Variants in PPARGC1A observed in about 807,000 individuals in gnomAD.
PPARGC1A encodes the protein PPARG coactivator 1 alpha, also known as peroxisome proliferator-activated receptor gamma coactivator 1-alpha.
PPARGC1A carries 25 observed loss-of-function variants against 88.7 expected under a neutral mutation model. The ratio of observed to expected loss-of-function variants is 0.28; its 90% CI spans 0.21 to 0.39. The LOEUF is 0.39. Ranked by LOEUF, PPARGC1A falls within the 10% of genes least tolerant of loss-of-function variation. PPARGC1A has a pLI of 1.00. For synonymous variants in PPARGC1A, 363 were observed against 355.6 expected (o/e 1.02, Z -0.24); for missense variants, 880 against 968.7 (o/e 0.91, Z 1.22).
chr4:24,315,158 G>C, the PPARGC1A span, among the ~76,000 whole-genome samples: 6 of 152,194 alleles, frequency 3.9e-5, no homozygotes, highest in African/African-American at 1.4e-4. Flanking sequence ...GTCAAGCCCA[G>C]AGATGATAAA....
chr4:23,983,003 C>A, the PPARGC1A span, among the ~76,000 whole-genome samples: 1 of 152,254 alleles, frequency 6.6e-6, no homozygotes, highest in East Asian at 1.9e-4. Context: ...TCCTTTCACA[C>A]TACAATGGCA....
At chr4:24,395,855 G>C in the PPARGC1A span, among the ~76,000 whole-genome samples, 1 of 152,014 alleles carries the variant, frequency 6.6e-6, no homozygotes, top group Non-Finnish European at 1.5e-5. Flanking sequence ...CTCCAAATGT[G>C]GTGCTCACCT....
the PPARGC1A span, among the ~76,000 whole-genome samples, chr4:24,071,015 TATGTTTTCTTTCAGC>T: frequency 6.6e-6 from 1 of 152,218 alleles, no homozygotes; most frequent in Non-Finnish European, 1.5e-5. Context: ...CTAGGCCAAT[TATGTTTTCTTTCAGC>T]ATGTGAAACT....
the PPARGC1A span, among the ~76,000 whole-genome samples, chr4:24,267,454 C>G: frequency 7.9e-5 from 12 of 152,308 alleles, no homozygotes; most frequent in African/African-American, 4.8e-5. Flanking sequence ...TGCCAAAAGG[C>G]TAAGGGTTCA....
the PPARGC1A span, among the ~76,000 whole-genome samples, chr4:24,332,332 G>A: frequency 6.6e-6 from 1 of 152,036 alleles, no homozygotes; most frequent in Non-Finnish European, 1.5e-5. Flanking sequence ...CCCAAGAAGA[G>A]AGGGTGGCCA....
chr4:24,166,159 C>A, the PPARGC1A span, among the ~76,000 whole-genome samples: 5 of 152,236 alleles, frequency 3.3e-5, no homozygotes, highest in African/African-American at 1.2e-4. Context: ...AAACCAGCCA[C>A]AACATTCCCT....
chr4:24,115,538 G>A, the PPARGC1A span, among the ~76,000 whole-genome samples: 5 of 152,056 alleles, frequency 3.3e-5, no homozygotes, highest in African/African-American at 1.2e-4. Flanking sequence ...TCCCATGTTT[G>A]GAGGGTTTTC....
At chr4:24,452,252 C>A in the PPARGC1A span, among the ~76,000 whole-genome samples, 5 of 147,238 alleles carry the variant, frequency 3.4e-5, no homozygotes, top group African/African-American at 9.8e-5. Context: ...CTGCCCCACC[C>A]CCCCACACAC....
intron 12 of PPARGC1A, among the ~76,000 whole-genome samples, chr4:23,798,651 A>G (rs918315048): frequency 6.6e-6 from 1 of 152,184 alleles, no homozygotes; most frequent in African/African-American, 2.4e-5. Context: ...TTACATTCAT[A>G]ATACTGACCC....
intron 1 of PPARGC1A, chr4:23,889,445 GA>G: frequency 1.1e-6 from 1 of 903,364 alleles, no homozygotes; most frequent in Non-Finnish European, 1.3e-6. Flanking sequence ...AACAGAGAGA[GA>G]GGGGGGAAAA....
At chr4:23,991,388 G>A in the PPARGC1A span, among the ~76,000 whole-genome samples, 1 of 151,926 alleles carries the variant, frequency 6.6e-6, no homozygotes, top group Non-Finnish European at 1.5e-5. Flanking sequence ...AATCAACCAG[G>A]TAAGAGAAGC....
chr4:24,322,544 A>G, the PPARGC1A span, among the ~76,000 whole-genome samples: 1 of 152,274 alleles, frequency 6.6e-6, no homozygotes, highest in Non-Finnish European at 1.5e-5. Context: ...TGTGTATGTG[A>G]GTGTGTGTGT....
chr4:24,362,793 C>T, the PPARGC1A span, among the ~76,000 whole-genome samples: 2 of 152,172 alleles, frequency 1.3e-5, no homozygotes, highest in African/African-American at 4.8e-5. Flanking sequence ...CCACTCACTT[C>T]CACACTTGAA....
At chr4:24,472,136 G>A in the PPARGC1A span, among the ~76,000 whole-genome samples, 1 of 152,204 alleles carries the variant, frequency 6.6e-6, no homozygotes, top group Non-Finnish European at 1.5e-5. The surrounding 1 kb of genome is among the most constrained non-coding windows in gnomAD (Gnocchi z 4.5). Flanking sequence ...GTGGGGGAAG[G>A]TGTCGATGGC....
At chr4:24,026,728 C>A in the PPARGC1A span, among the ~76,000 whole-genome samples, 55 of 152,260 alleles carry the variant, frequency 3.6e-4, no homozygotes, top group African/African-American at 1.3e-3. Context: ...CCACTTTGCA[C>A]AACAGGCAAT....
At chr4:24,412,670 C>T in the PPARGC1A span, among the ~76,000 whole-genome samples, 4 of 152,078 alleles carry the variant, frequency 2.6e-5, no homozygotes, top group Non-Finnish European at 4.4e-5. Context: ...TTAGTGGAGA[C>T]GGGGTTTCAC....
At chr4:23,937,006 A>G in the PPARGC1A span, among the ~76,000 whole-genome samples, 3 of 152,086 alleles carry the variant, frequency 2.0e-5, no homozygotes, top group Non-Finnish European at 2.9e-5. Context: ...AGAAATAAGA[A>G]GGCACTTCTG....
the PPARGC1A span, among the ~76,000 whole-genome samples, chr4:24,036,819 T>A: frequency 3.3e-5 from 5 of 152,334 alleles, no homozygotes; most frequent in East Asian, 9.7e-4. Context: ...TTCAGCTGTA[T>A]AACTAAGATT....
At chr4:24,345,990 G>T in the PPARGC1A span, among the ~76,000 whole-genome samples, 1 of 152,152 alleles carries the variant, frequency 6.6e-6, no homozygotes, top group Non-Finnish European at 1.5e-5. Flanking sequence ...TAATCATAAA[G>T]TGATGCTGGA....
Sources: gnomAD v4.1 joint callset for allele counts (sites outside exome capture counted in the v4.1 genomes callset) on GRCh38, gnomAD v4.1.1 for gene constraint, Gnocchi (gnomAD v3.1) non-coding constraint, MANE v1.5 for transcripts, NCBI Gene and HGNC (gene_info 2026-07-23, HGNC 2026-07-21) for gene names.